Variants in MYT1L observed in about 807,000 individuals in gnomAD.
MYT1L encodes the protein myelin transcription factor 1-like protein.
Under a neutral mutation model 126.7 loss-of-function variants are expected in MYT1L, and 12 were observed. The observed-to-expected ratio is 0.09, with a 90% confidence interval of 0.06 to 0.15. The LOEUF (loss-of-function observed/expected upper bound fraction) is 0.15, where lower values mean the gene tolerates loss of function less well. Ranked by LOEUF, MYT1L falls within the 10% of genes least tolerant of loss-of-function variation. The pLI is 1.00. For missense variants in MYT1L, 979 were observed against 1,585.2 expected, an observed-to-expected ratio of 0.62 and a Z score of 6.49; for synonymous variants, 541 against 604.2, an observed-to-expected ratio of 0.90 and a Z score of 1.53.
intron 3 of MYT1L, among the ~76,000 whole-genome samples, chr2:2,136,778 C>T (rs2083110896): frequency 6.6e-6 from 1 of 152,128 alleles, no homozygotes; most frequent in Non-Finnish European, 1.5e-5. Context: ...AAAACTGGCA[C>T]AAGACAGGGA....
rs557705679 is a variant in MYT1L at position 2,326,169 on chromosome 2, A to G, written c.-521+4798T>C. ...ACAGTTCCCTCTGTGTTTCCATTCC[A>G]TTCACCCCTACCCTCTGGCGCCCGC... is the stretch of plus-strand genomic sequence containing the variant. On this transcript the variant is annotated intron_variant, in intron 1 of 24. Coordinates refer to ENST00000647738, the MANE Select transcript of MYT1L (RefSeq NM_001303052.2). 3.3e-5 allele frequency: 5 copies of G among 152,316 alleles called. No individual in the cohort carries two copies. In the South Asian group the frequency reaches 8.3e-4, roughly 25 times the overall value. The allele number at this position is 152,316 out of a possible 1,614,324, so 9.4% of individuals were successfully genotyped here. A position where few individuals can be genotyped will look rare whatever the true frequency, so the allele number is the denominator to read the frequency against.
intron 4 of MYT1L, among the ~76,000 whole-genome samples, chr2:1,998,558 T>A (rs941184056): frequency 5.3e-5 from 8 of 152,152 alleles, no homozygotes; most frequent in African/African-American, 1.9e-4. Context: ...ATTTCGTCCA[T>A]ACACACAGTT....
intron 3 of MYT1L, among the ~76,000 whole-genome samples, chr2:2,089,828 C>G (rs1158566639): frequency 1.3e-5 from 2 of 152,198 alleles, no homozygotes; most frequent in Admixed American, 1.3e-4. Context: ...CTCTCCTCCA[C>G]TGATTCATTA....
chr2:2,004,577 G>T (rs1370299534), intron 4 of MYT1L, among the ~76,000 whole-genome samples: 3 of 149,574 alleles, frequency 2.0e-5, no homozygotes, highest in African/African-American at 5.0e-5. Flanking sequence ...TCTTCTGCAG[G>T]CGTTCTTTCC....
At chr2:1,905,008 T>C (rs1407459035) in intron 13 of MYT1L, among the ~76,000 whole-genome samples, 1 of 151,652 alleles carries the variant, frequency 6.6e-6, no homozygotes, top group Non-Finnish European at 1.5e-5. Context: ...ATGTTAGCCA[T>C]GATGGTCTCG....
chr2:2,202,763 C>T (rs1296305277), intron 2 of MYT1L, among the ~76,000 whole-genome samples: 2 of 152,200 alleles, frequency 1.3e-5, no homozygotes, highest in Admixed American at 6.5e-5. Flanking sequence ...TCCTCCCTAA[C>T]TCATTTTATG....
At chr2:1,839,855 A>T (rs1360486994) in intron 20 of MYT1L, among the ~76,000 whole-genome samples, 2 of 152,240 alleles carry the variant, frequency 1.3e-5, no homozygotes, top group Non-Finnish European at 2.9e-5. Context: ...AGGCCTTAAA[A>T]TGCCCTTCCA....
chr2:1,809,097 T>C lies in MYT1L; in HGVS notation c.3151A>G (p.Ile1051Val). 1 of 1,613,960 alleles carries C rather than the reference T, an allele frequency of 6.2e-7. No homozygotes were observed. Among genetic ancestry groups the C allele is most frequent in the Non-Finnish European group, 8.5e-7 (1 of 1,179,876 alleles). ...TCACCGTTGCTGGCCCGCTGTTTGA[T>C]GGTCAGCATCTGCTCTCCAGAAAGC... ...AKLSGEQMLTIKQRASNGIEN... is the reference protein window; with the variant it reads ...AKLSGEQMLTVKQRASNGIEN... The change falls in exon 22 of 25, where the codon ATC (isoleucine) becomes GTC (valine). Residue 1051 changes from isoleucine to valine, a missense_variant. This residue lies in a region of MYT1L where 179 missense variants were observed against 398.6 expected (regional missense o/e 0.45). Coordinates refer to ENST00000647738, the MANE Select transcript of MYT1L (RefSeq NM_001303052.2).
At chr2:2,264,389 C>T (rs1403045573) in intron 2 of MYT1L, among the ~76,000 whole-genome samples, 1 of 152,010 alleles carries the variant, frequency 6.6e-6, no homozygotes, top group Non-Finnish European at 1.5e-5. Flanking sequence ...GATTACTCCC[C>T]CAAACCCCAC....
rs188164466 is a variant in MYT1L at position 2,252,363 on chromosome 2, G to C, written c.-421+32041C>G. On this transcript the variant is annotated intron_variant, in intron 2 of 24. Coordinates refer to ENST00000647738, the MANE Select transcript of MYT1L (RefSeq NM_001303052.2). ...TCTTTCTGAACCCAGGAAACCTCTC[G>C]GGATCTCAGCTCCAGCCCTGGTCTG... 6.1e-3 allele frequency among the ~76,000 whole-genome samples: 925 copies of C among 152,166 alleles called. 14 individuals carry two copies. The highest frequency in any genetic ancestry group is 0.021 in the African/African-American group (876 of 41,498).
At chr2:2,180,607 T>TGC (rs1406092823) in intron 2 of MYT1L, among the ~76,000 whole-genome samples, 1 of 149,810 alleles carries the variant, frequency 6.7e-6, no homozygotes, top group Non-Finnish European at 1.5e-5. Context: ...CCTGTGTGTG[T>TGC]GCTTATGTAC....
In MYT1L at chr2:1,995,243, T is replaced by G. The variant is rs1185587529; in HGVS notation, c.-1+1948A>C. 2.6e-5 allele frequency among the ~76,000 whole-genome samples: 4 copies of G among 151,964 alleles called. No homozygotes were observed. The East Asian group carries it at 5.8e-4, about 22-fold the overall frequency. On this transcript the variant is annotated intron_variant, in intron 5 of 24. Transcript: ENST00000647738. ...TATGTGACGGGGTGGATGTGAACAC[T>G]CTAGCATGTGTGGAAGAACCCGGAA...
At chr2:1,932,015 G>T (rs2149181097) in intron 9 of MYT1L, among the ~76,000 whole-genome samples, 1 of 152,220 alleles carries the variant, frequency 6.6e-6, no homozygotes, top group South Asian at 2.1e-4. Flanking sequence ...TCCTGTCACT[G>T]CCCAAAAGCC....
At chr2:2,058,087 C>CTGTGTT (rs2069850260) in intron 3 of MYT1L, among the ~76,000 whole-genome samples, 1 of 152,166 alleles carries the variant, frequency 6.6e-6, no homozygotes, top group Non-Finnish European at 1.5e-5. Flanking sequence ...TTCTCATTGT[C>CTGTGTT]TTAGTCAAAA....
intron 1 of MYT1L, among the ~76,000 whole-genome samples, chr2:2,320,165 C>T (rs1308263591): frequency 6.6e-6 from 1 of 151,944 alleles, no homozygotes; most frequent in African/African-American, 2.4e-5. Flanking sequence ...CTGGAAAGTC[C>T]CACTGGGGTG....
intron 9 of MYT1L, among the ~76,000 whole-genome samples, chr2:1,931,278 G>A (rs751117678): frequency 7.9e-5 from 12 of 152,340 alleles, no homozygotes; most frequent in East Asian, 1.9e-4. Context: ...TGCCTAGTGC[G>A]CACTTTGAAT....
At chr2:2,093,108 AT>A (rs1242807792) in intron 3 of MYT1L, among the ~76,000 whole-genome samples, 1 of 152,130 alleles carries the variant, frequency 6.6e-6, no homozygotes, top group Non-Finnish European at 1.5e-5. Flanking sequence ...AAAATATTTT[AT>A]TTTTGCTACC....
Position 2,077,310 on chromosome 2 carries a change from T to C in MYT1L, c.-303-23187A>G, listed in dbSNP as rs73911325. Reference sequence around the variant, plus strand: ...AAATAATGGCTGAAAGCTTTCCAAATTGATGAAACATATTAACCTACACAA... The same window carrying C: ...AAATAATGGCTGAAAGCTTTCCAAACTGATGAAACATATTAACCTACACAA... On this transcript the variant is annotated intron_variant, in intron 3 of 24. Transcript: ENST00000647738. Among the ~76,000 whole-genome samples, 1,335 of 152,234 alleles carry C rather than the reference T, an allele frequency of 8.8e-3. 23 individuals carry two copies. Among genetic ancestry groups the C allele is most frequent in the African/African-American group, 0.027 (1,114 of 41,566 alleles).
intron 2 of MYT1L, among the ~76,000 whole-genome samples, chr2:2,234,118 G>A (rs1300151868): frequency 2.6e-5 from 4 of 152,256 alleles, no homozygotes; most frequent in East Asian, 1.9e-4. Flanking sequence ...TTTGTGAAAC[G>A]CACAGTCTAT....
Sources: allele counts gnomAD v4.1 joint callset (sites outside exome capture counted in the v4.1 genomes callset), GRCh38; gene constraint gnomAD v4.1.1; regional missense constraint gnomAD v4.1.1; transcripts MANE v1.5; gene names NCBI Gene and HGNC (gene_info 2026-07-23, HGNC 2026-07-21).